The following SHOC2 variants were observed in gnomAD, a reference collection of about 807,000 sequenced individuals.
SHOC2 encodes leucine-rich repeat protein SHOC-2.
A neutral mutation model predicts 50.2 loss-of-function variants in SHOC2; 4 were observed. The ratio of observed to expected loss-of-function variants is 0.08; its 90% CI spans 0.04 to 0.18. SHOC2 has a LOEUF of 0.18. SHOC2 is among the 10% of genes least tolerant of loss of function. SHOC2 has a pLI of 1.00. For synonymous variants in SHOC2, 218 were observed against 244.5 expected (o/e 0.89, Z 1.01); for missense variants, 388 against 669.6 (o/e 0.58, Z 4.64).
rs960353407 is a variant in SHOC2, at chr10:110,922,295, T to C, written c.-235+2638T>C. On this transcript the variant is annotated intron_variant, in intron 1 of 8. Coordinates refer to ENST00000369452, the MANE Select transcript of SHOC2 (RefSeq NM_007373.4). ...TTCCGAGTAGTGATTGGTATAGTTA[T>C]TGCTTTGGCTTACCTGTATGAATTA... is the stretch of plus-strand genomic sequence containing the variant. 6.6e-5 allele frequency among the ~76,000 whole-genome samples: 10 copies of C among 152,160 alleles called. No homozygotes were observed. The South Asian group carries it at 1.4e-3, about 22-fold the overall frequency.
intron 5 of SHOC2, 115 bp from the exon 6 acceptor site, chr10:111,007,416 T>C: frequency 8.3e-7 from 1 of 1,210,962 alleles, no homozygotes; most frequent in Non-Finnish European, 1.2e-6. Flanking sequence ...TATTTAAATA[T>C]CAAAAAGGGG....
At chr10:110,981,309 A>G (rs1401249794) in intron 2 of SHOC2, among the ~76,000 whole-genome samples, 1 of 152,204 alleles carries the variant, frequency 6.6e-6, no homozygotes, top group African/African-American at 2.4e-5. Context: ...TGTGTCTGGA[A>G]AAAGAGAATG....
chr10:110,978,676 C>T (rs938765840), intron 2 of SHOC2, among the ~76,000 whole-genome samples: 6 of 152,232 alleles, frequency 3.9e-5, no homozygotes, highest in Admixed American at 2.0e-4. Flanking sequence ...GCAGTCTCCT[C>T]TCCCACATGT....
chr10:110,931,020 C>T (rs569438528), intron 1 of SHOC2, among the ~76,000 whole-genome samples: 2 of 152,044 alleles, frequency 1.3e-5, no homozygotes, highest in South Asian at 2.1e-4. Flanking sequence ...CTCTTGTTTT[C>T]CTAGAATGTA....
rs1345831053 is a variant in SHOC2, at chr10:111,012,824, A to G, written c.*1006A>G. ...TGAATGTCTTTCTTTGAAAACTGCA[A>G]TGTATGTATGTTTCAAGGTTATTTA... On this transcript the variant is annotated 3_prime_UTR_variant, in exon 9 of 9. Coordinates refer to ENST00000369452, the MANE Select transcript of SHOC2 (RefSeq NM_007373.4). 1 of 152,728 alleles carries G rather than the reference A, an allele frequency of 6.5e-6. No individual in the cohort carries two copies. Among genetic ancestry groups the G allele is most frequent in the East Asian group, 1.9e-4 (1 of 5,192 alleles). 9.5% of individuals were successfully genotyped at this position (152,728 alleles called of 1,614,324 possible).
rs1305272265 is a variant in SHOC2, at chr10:110,936,721, C to CT, written c.-235+17066dup. 5 of 925,774 alleles carry CT rather than the reference C, an allele frequency of 5.4e-6. No homozygotes were observed. In the Admixed American group the frequency reaches 9.8e-5, roughly 18 times the overall value. 57.3% of individuals were successfully genotyped at this position (925,774 alleles called of 1,614,324 possible). A position where few individuals can be genotyped will look rare whatever the true frequency, so the allele number is the denominator to read the frequency against. On this transcript the variant is annotated intron_variant, in intron 1 of 8. Coordinates refer to ENST00000369452, the MANE Select transcript of SHOC2 (RefSeq NM_007373.4). ...GTTTCCGTAGGCTTATGAGCTCTTT[C>CT]TTCTTCCGGTAGTGGATTTTGGCTT...
intron 1 of SHOC2, among the ~76,000 whole-genome samples, chr10:110,958,141 C>T (rs11593592): frequency 0.058 from 8,833 of 152,110 alleles, 332 homozygotes; most frequent in African/African-American, 0.11. Context: ...CTGGCTGCTG[C>T]TTTGACAATA....
At chr10:110,954,263 A>G (rs375144583) in intron 1 of SHOC2, among the ~76,000 whole-genome samples, 2 of 152,058 alleles carry the variant, frequency 1.3e-5, no homozygotes, top group South Asian at 2.1e-4. Context: ...AATTAATTAC[A>G]TGTTTTATTT....
At chr10:111,002,660 A>G (rs1378070323) in intron 4 of SHOC2, among the ~76,000 whole-genome samples, 1 of 152,126 alleles carries the variant, frequency 6.6e-6, no homozygotes. Context: ...CAAATTTGTT[A>G]CTTTAAATAT....
chr10:110,930,917 G>A (rs112177005), intron 1 of SHOC2, among the ~76,000 whole-genome samples: 2 of 151,940 alleles, frequency 1.3e-5, no homozygotes, highest in African/African-American at 4.8e-5. Flanking sequence ...TATGCATATG[G>A]TGAGTTGAAG....
At chr10:110,974,598 TTAAG>T (rs1245520499) in intron 2 of SHOC2, among the ~76,000 whole-genome samples, 5 of 152,160 alleles carry the variant, frequency 3.3e-5, no homozygotes, top group Non-Finnish European at 7.4e-5. Context: ...TTCTTATGGA[TTAAG>T]TATTTTTTAA....
At chr10:110,919,799 G>C in intron 1 of SHOC2, 142 bp downstream of exon 1, 2 of 391,934 alleles carry the variant, frequency 5.1e-6, no homozygotes, top group Non-Finnish European at 9.0e-6. Context: ...GCGCCGGGGC[G>C]AGGCCCGAGG....
At chr10:110,951,640 C>A (rs528612981) in intron 1 of SHOC2, 27 of 152,248 alleles carry the variant, frequency 1.8e-4, no homozygotes, top group African/African-American at 6.5e-4. Context: ...ATGAAATCAA[C>A]CTATGTCTTC....
intron 1 of SHOC2, among the ~76,000 whole-genome samples, chr10:110,960,946 G>A (rs1031498977): frequency 1.2e-4 from 18 of 152,162 alleles, no homozygotes; most frequent in African/African-American, 4.1e-4. Flanking sequence ...CAAAGTGCTA[G>A]GATTACAGAC....
Position 111,012,110 on chromosome 10 carries a change from G to T in SHOC2, c.*292G>T. The T allele has an allele frequency of 2.6e-6, 1 of 380,938 alleles. No homozygotes were observed. The highest frequency in any genetic ancestry group is 4.8e-6 in the Non-Finnish European group (1 of 207,048). The allele number at this position is 380,938 out of a possible 1,614,324, so 23.6% of individuals were successfully genotyped here. A position where few individuals can be genotyped will look rare whatever the true frequency, so the allele number is the denominator to read the frequency against. On this transcript the variant is annotated 3_prime_UTR_variant, in exon 9 of 9. Transcript: ENST00000369452. ...CACATTATGAAGTTATTAAATTTAAGGGACAGAGGTAGTATAGTTAGATAT... is the reference window on the plus strand; with the variant it reads ...CACATTATGAAGTTATTAAATTTAATGGACAGAGGTAGTATAGTTAGATAT...
intron 1 of SHOC2, among the ~76,000 whole-genome samples, chr10:110,961,395 A>G (rs1246441305): frequency 6.6e-6 from 1 of 152,234 alleles, no homozygotes; most frequent in Non-Finnish European, 1.5e-5. Flanking sequence ...TTCAGGTCTG[A>G]ACTAGATCCA....
rs182023648 is a variant in SHOC2 at position 110,971,044 on chromosome 10, T to G, written c.703+5983T>G. On this transcript the variant is annotated intron_variant, in intron 2 of 8. Coordinates refer to ENST00000369452, the MANE Select transcript of SHOC2 (RefSeq NM_007373.4). ...TTGTTTCCTTTGCTCTGCAGAAGTT[T>G]TTAGTTTGAAATAATTCCATTTGTC... Among the ~76,000 whole-genome samples the G allele has an allele frequency of 4.6e-5, 7 of 152,260 alleles. No homozygotes were observed. The East Asian group carries it at 1.2e-3, about 25-fold the overall frequency.
chr10:110,955,653 G>A (rs368311697), intron 1 of SHOC2, among the ~76,000 whole-genome samples: 11 of 152,120 alleles, frequency 7.2e-5, no homozygotes, highest in African/African-American at 2.2e-4. Flanking sequence ...AACTTCAGGG[G>A]GAAAATAGAA....
At chr10:110,992,916 T>A (rs1299971806) in intron 3 of SHOC2, among the ~76,000 whole-genome samples, 1 of 152,180 alleles carries the variant, frequency 6.6e-6, no homozygotes, top group Non-Finnish European at 1.5e-5. Flanking sequence ...TTTGCTACTT[T>A]GTTAAAATAA....
Sources: allele counts gnomAD v4.1 joint callset (sites outside exome capture counted in the v4.1 genomes callset), GRCh38; gene constraint gnomAD v4.1.1; transcripts MANE v1.5; gene names NCBI Gene and HGNC (gene_info 2026-07-23, HGNC 2026-07-21).